PRDM15: variants seen among roughly 807,000 people sequenced by gnomAD.
PRDM15 encodes the protein PR/SET domain 15, also known as PR domain zinc finger protein 15.
In PRDM15, 64 loss-of-function variants were observed where a neutral mutation model predicts 128.6. That is an observed-to-expected ratio of 0.50 (90% confidence interval 0.41 to 0.61). The LOEUF is 0.61. PRDM15 is among the 20% of genes least tolerant of loss of function. PRDM15 has a pLI of 0.00. For synonymous variants in PRDM15, 615 were observed against 621.8 expected (o/e 0.99, Z 0.16); for missense variants, 1,242 against 1,569.1 (o/e 0.79, Z 3.52).
At chr21:41,816,404 G>A in intron 18 of PRDM15, among the ~76,000 whole-genome samples, 1 of 152,206 alleles carries the variant, frequency 6.6e-6, no homozygotes, top group Middle Eastern at 3.2e-3. Flanking sequence ...TCCGCAGGGG[G>A]CACAGGCATG....
intron 6 of PRDM15, among the ~76,000 whole-genome samples, chr21:41,844,415 ACACAC>A (rs2063168109): frequency 8.8e-4 from 1 of 1,138 alleles, no homozygotes; most frequent in Non-Finnish European, 2.2e-3. Flanking sequence ...CCTCACAGGG[ACACAC>A]ACACACACAC....
chr21:41,821,502 G>T lies in PRDM15; in HGVS notation c.1897-272C>A, dbSNP rs1190454439. On this transcript the variant is annotated intron_variant, in intron 15 of 23. Coordinates refer to ENST00000398548, the MANE Select transcript of PRDM15 (RefSeq NM_001040424.3). The surrounding 1 kb of genome is among the most constrained non-coding windows in gnomAD (Gnocchi z 5.4). Reference sequence around the variant, plus strand: ...CCATGCACAGGGGAGGCCTCGTGAGGGCTTCAGGCCTCAGCAGGGAGGAGG... The same window carrying T: ...CCATGCACAGGGGAGGCCTCGTGAGTGCTTCAGGCCTCAGCAGGGAGGAGG... Among the ~76,000 whole-genome samples, 1 of 152,176 alleles carries T rather than the reference G, an allele frequency of 6.6e-6. No individual in the cohort carries two copies. Among genetic ancestry groups the T allele is most frequent in the African/African-American group, 2.4e-5 (1 of 41,438 alleles).
chr21:41,840,345 C>G (rs2063036153), intron 6 of PRDM15, among the ~76,000 whole-genome samples: 2 of 150,812 alleles, frequency 1.3e-5, no homozygotes, highest in African/African-American at 4.9e-5. Flanking sequence ...ACTGGGGAGG[C>G]TGAGGCAGAA....
chr21:41,823,298 G>C lies in PRDM15; in HGVS notation c.1761+20C>G. ...GCCTGCCGTGAGCATGCCTGGGTGAGGGCAGCACGCGATCGACACCTTGAA... is the reference window on the plus strand; with the variant it reads ...GCCTGCCGTGAGCATGCCTGGGTGACGGCAGCACGCGATCGACACCTTGAA... On this transcript the variant is annotated intron_variant, in intron 14 of 23. Transcript: ENST00000398548. The C allele has an allele frequency of 6.2e-7, 1 of 1,606,054 alleles. No individual in the cohort carries two copies. Among genetic ancestry groups the C allele is most frequent in the Non-Finnish European group, 8.5e-7 (1 of 1,176,556 alleles).
chr21:41,804,033 C>T (rs1415918214), intron 22 of PRDM15, among the ~76,000 whole-genome samples: 5 of 148,934 alleles, frequency 3.4e-5, no homozygotes, highest in Admixed American at 1.3e-4. Context: ...GGCACAATCT[C>T]GGCTCATTGC....
intron 1 of PRDM15, among the ~76,000 whole-genome samples, chr21:41,868,480 C>A (rs149234535): frequency 2.0e-5 from 3 of 152,082 alleles, no homozygotes; most frequent in Non-Finnish European, 4.4e-5. Flanking sequence ...AGTTTCTCGG[C>A]GGCCTCACCA....
intron 19 of PRDM15, chr21:41,812,882 T>C (rs73219048): frequency 0.12 from 17,635 of 152,384 alleles, 1,197 homozygotes; most frequent in East Asian, 0.29. Flanking sequence ...CTCTGACGGC[T>C]GTCAGCGCCC....
chr21:41,821,148 T>A lies in PRDM15; in HGVS notation c.1979A>T (p.Asn660Ile), dbSNP rs1316281930. Reference sequence around the variant, plus strand: ...GGTGGCCTTCAGTGCAAAGCGCCGGTTGCAGATGCTGCAGCCATAGCCCTT... The same window carrying A: ...GGTGGCCTTCAGTGCAAAGCGCCGGATGCAGATGCTGCAGCCATAGCCCTT... ...KEKGYGCSIC[N>I]RRFALKATYH... Residue 660 changes from asparagine (N) to isoleucine (I), a missense_variant, in exon 16 of 24, where the codon AAC (asparagine) becomes ATC (isoleucine). This residue lies in a region of PRDM15 where 602 missense variants were observed against 788.3 expected (regional missense o/e 0.76). Coordinates refer to ENST00000398548, the MANE Select transcript of PRDM15 (RefSeq NM_001040424.3). The surrounding 1 kb of genome is among the most constrained non-coding windows in gnomAD (Gnocchi z 5.4). The A allele has an allele frequency of 6.2e-7, 1 of 1,614,192 alleles. No homozygotes were observed.
intron 1 of PRDM15, chr21:41,867,250 G>GT (rs769630217): frequency 1.4e-6 from 2 of 1,451,638 alleles, no homozygotes; most frequent in South Asian, 1.2e-5. Flanking sequence ...GTCAAACTTC[G>GT]TAACACCAAA....
At chr21:41,861,341 T>C (rs924402600) in intron 1 of PRDM15, among the ~76,000 whole-genome samples, 4 of 152,196 alleles carry the variant, frequency 2.6e-5, no homozygotes, top group African/African-American at 4.8e-5. Flanking sequence ...AACACTTGCA[T>C]AGTGGGTAGA....
rs989755989 is a variant in PRDM15 at position 41,810,924 on chromosome 21, G to C, written c.2393-88C>G. ...ATGTCTTCTCCCTGACACGTTCCAG[G>C]CACTGTAGGGCCTTCAGGAGAAGGT... On this transcript the variant is annotated intron_variant, in intron 19 of 23. Transcript: ENST00000398548. The surrounding 1 kb of genome is among the most constrained non-coding windows in gnomAD (Gnocchi z 6.4). 76 of 1,130,114 alleles carry C rather than the reference G, an allele frequency of 6.7e-5. 1 individual carries two copies. The highest frequency in any genetic ancestry group is 9.8e-5 in the Non-Finnish European group (73 of 747,324). 70.0% of individuals were successfully genotyped at this position (1,130,114 alleles called of 1,614,324 possible). A position where few individuals can be genotyped will look rare whatever the true frequency, so the allele number is the denominator to read the frequency against.
In PRDM15 at chr21:41,840,081, G is replaced by A. The variant is rs539930864; in HGVS notation, c.641-228C>T. ...CAAGGGTAGGTTCACCATGAGGGCAGTTTAGTGAAAAAAGCAGACATACAC... is the reference window on the plus strand; with the variant it reads ...CAAGGGTAGGTTCACCATGAGGGCAATTTAGTGAAAAAAGCAGACATACAC... On this transcript the variant is annotated intron_variant, in intron 6 of 23. Coordinates refer to ENST00000398548, the MANE Select transcript of PRDM15 (RefSeq NM_001040424.3). Among the ~76,000 whole-genome samples the A allele has an allele frequency of 7.2e-5, 11 of 152,310 alleles. No individual in the cohort carries two copies. In the East Asian group the frequency reaches 1.7e-3, roughly 24 times the overall value.
intron 1 of PRDM15, among the ~76,000 whole-genome samples, chr21:41,876,522 G>A (rs1321107916): frequency 6.6e-6 from 1 of 152,098 alleles, no homozygotes; most frequent in African/African-American, 2.4e-5. Context: ...GCAGACCTGT[G>A]GCCCACGGGG....
Position 41,862,913 on chromosome 21 carries a change from T to C in PRDM15, c.-9-2541A>G, listed in dbSNP as rs1250787365. Among the ~76,000 whole-genome samples the C allele has an allele frequency of 1.3e-5, 2 of 152,132 alleles. No homozygotes were observed. Among genetic ancestry groups the C allele is most frequent in the East Asian group, 1.9e-4 (1 of 5,186 alleles). On this transcript the variant is annotated intron_variant, in intron 1 of 23. Coordinates refer to ENST00000398548, the MANE Select transcript of PRDM15 (RefSeq NM_001040424.3). The surrounding 1 kb of genome is among the most constrained non-coding windows in gnomAD (Gnocchi z 4.1). ...TGGGCAGGCGTGTGGCTCACGTCTG[T>C]AATCCCAGCACTTTCAGAGATGAGG... is the stretch of plus-strand genomic sequence containing the variant.
In PRDM15 at chr21:41,860,437, T is replaced by C. The variant is rs899483439; in HGVS notation, c.-9-65A>G. ...TACCAAAATACTTTTGTTTTGTTTT[T>C]GAAATTGAGCTCCCTCTGTTGCCCA... On this transcript the variant is annotated intron_variant, in intron 1 of 23. Coordinates refer to ENST00000398548, the MANE Select transcript of PRDM15 (RefSeq NM_001040424.3). The C allele has an allele frequency of 6.9e-5, 99 of 1,435,572 alleles. No homozygotes were observed. The African/African-American group carries it at 1.3e-3, about 18-fold the overall frequency. The allele number at this position is 1,435,572 out of a possible 1,614,324, so 88.9% of individuals were successfully genotyped here.
chr21:41,859,325 C>A lies in PRDM15; in HGVS notation c.131+267G>T. 8.8e-7 allele frequency: 1 copy of A among 1,140,348 alleles called. No individual in the cohort carries two copies. The highest frequency in any genetic ancestry group is 1.4e-5 in the South Asian group (1 of 70,656). The allele number at this position is 1,140,348 out of a possible 1,614,324, so 70.6% of individuals were successfully genotyped here. ...GGCAAGTCCACTCTTCTGCAGCCTC[C>A]ACACACTGTGTCGGGAACAGCTGGG... On this transcript the variant is annotated intron_variant, in intron 3 of 23. Coordinates refer to ENST00000398548, the MANE Select transcript of PRDM15 (RefSeq NM_001040424.3). This position sits in a 1 kb window ranked among gnomAD's most constrained non-coding sequence, Gnocchi z 5.3.
At chr21:41,805,712 C>A (rs943096683) in intron 21 of PRDM15, among the ~76,000 whole-genome samples, 1 of 151,998 alleles carries the variant, frequency 6.6e-6, no homozygotes, top group Non-Finnish European at 1.5e-5. Flanking sequence ...TCACCACCAT[C>A]ACCACCATAA....
At position 41,820,108 on chromosome 21, in the gene PRDM15, C is replaced by T; in HGVS notation, c.2127G>A (p.Lys709=). Residue 709 remains lysine (K), a synonymous_variant, in exon 17 of 24, where the codon AAG becomes AAA. Coordinates refer to ENST00000398548, the MANE Select transcript of PRDM15 (RefSeq NM_001040424.3). ...ACAGACACGCACCTGTGTGGATGAG[C>T]TTGTGGCGCTCCAGGTTCCCGATGC... ...FNSIGNLERH[K]LIHTGVKSHA... is the part of the protein sequence containing the mutation. 6.2e-7 allele frequency: 1 copy of T among 1,613,808 alleles called. No individual in the cohort carries two copies. The highest frequency in any genetic ancestry group is 1.1e-5 in the South Asian group (1 of 91,068).
rs538870839 is a variant in PRDM15, at chr21:41,832,303, C to T, written c.1366+3134G>A. ...TTGTGAAAGGCCACACCTTACAGCG[C>T]TGTGGCATCAGATTGCCACAGGCCA... On this transcript the variant is annotated intron_variant, in intron 11 of 23. Transcript: ENST00000398548. This position sits in a 1 kb window ranked among gnomAD's most constrained non-coding sequence, Gnocchi z 4.2. Among the ~76,000 whole-genome samples, 62 of 152,298 alleles carry T rather than the reference C, an allele frequency of 4.1e-4. No homozygotes were observed. The highest frequency in any genetic ancestry group is 1.4e-3 in the African/African-American group (60 of 41,574).
Sources: gnomAD v4.1 joint callset for allele counts (sites outside exome capture counted in the v4.1 genomes callset) on GRCh38, gnomAD v4.1.1 for gene constraint, gnomAD v4.1.1 regional missense constraint, Gnocchi (gnomAD v3.1) non-coding constraint, MANE v1.5 for transcripts, NCBI Gene and HGNC (gene_info 2026-07-23, HGNC 2026-07-21) for gene names.